SNX9: variants seen among roughly 807,000 people sequenced by gnomAD.
SNX9 encodes sorting nexin-9.
A neutral mutation model predicts 89.4 loss-of-function variants in SNX9; 44 were observed. That is an observed-to-expected ratio of 0.49 (90% CI 0.39 to 0.63). SNX9 has a LOEUF of 0.63. SNX9 is among the 30% of genes least tolerant of loss of function. The pLI, the probability that SNX9 is intolerant of heterozygous loss-of-function variation, is 0.00. For missense variants in SNX9, 578 were observed against 736.1 expected (o/e 0.79, Z 2.49); for synonymous variants, 236 against 247.8 (o/e 0.95, Z 0.45).
chr6:157,905,121 A>G (rs549932534), intron 6 of SNX9, among the ~76,000 whole-genome samples: 1 of 152,182 alleles, frequency 6.6e-6, no homozygotes, highest in African/African-American at 2.4e-5. Flanking sequence ...TCAGAATTCA[A>G]ACCCCATGCC....
chr6:157,935,964 G>A lies in SNX9; in HGVS notation c.1367G>A (p.Gly456Asp). The change falls in exon 14 of 18, where the codon GGT becomes GAT. Residue 456 changes from glycine to aspartate, a missense_variant and splice_region_variant. By Grantham distance (94) the Gly-to-Asp change is moderately conservative. This residue lies in a region of SNX9 where 348 missense variants were observed against 491.4 expected (regional missense o/e 0.71). Transcript: ENST00000392185. ...CACTGATAAAATTGATCATTTTCAGGTGAAACAGATCTCAATGATGCAATA... is the reference window on the plus strand; with the variant it reads ...CACTGATAAAATTGATCATTTTCAGATGAAACAGATCTCAATGATGCAATA... Reference protein sequence around the residue: ...ATVFSSSGYQGETDLNDAITE... With the variant: ...ATVFSSSGYQDETDLNDAITE... The A allele has an allele frequency of 6.2e-7, 1 of 1,606,716 alleles. No homozygotes were observed. Among genetic ancestry groups the A allele is most frequent in the Non-Finnish European group, 8.5e-7 (1 of 1,176,446 alleles).
intron 1 of SNX9, among the ~76,000 whole-genome samples, chr6:157,826,557 T>C (rs1433874649): frequency 6.7e-6 from 1 of 149,464 alleles, no homozygotes; most frequent in Non-Finnish European, 1.5e-5. Flanking sequence ...AAGGGGATTA[T>C]CTATTTTCTA....
intron 10 of SNX9, among the ~76,000 whole-genome samples, chr6:157,925,063 C>T (rs1005481860): frequency 6.6e-6 from 1 of 152,132 alleles, no homozygotes; most frequent in Admixed American, 6.5e-5. Flanking sequence ...TACATTAGAA[C>T]TTCTTTTTTC....
chr6:157,823,367 C>A lies in SNX9; in HGVS notation c.-68C>A. The A allele has an allele frequency of 7.9e-7, 1 of 1,262,142 alleles. No homozygotes were observed. The highest frequency in any genetic ancestry group is 1.0e-6 in the Non-Finnish European group (1 of 994,878). 78.2% of individuals were successfully genotyped at this position (1,262,142 alleles called of 1,614,324 possible). A position where few individuals can be genotyped will look rare whatever the true frequency, so the allele number is the denominator to read the frequency against. ...GCCCTCGCCCTTGCCTTTGCCTGCGCGGCTCAGAATCACCATCCGCGGCGC... is the reference window on the plus strand; with the variant it reads ...GCCCTCGCCCTTGCCTTTGCCTGCGAGGCTCAGAATCACCATCCGCGGCGC... On this transcript the variant is annotated 5_prime_UTR_variant, in exon 1 of 18. Coordinates refer to ENST00000392185, the MANE Select transcript of SNX9 (RefSeq NM_016224.5). This position sits in a 1 kb window ranked among gnomAD's most constrained non-coding sequence, Gnocchi z 4.6.
intron 1 of SNX9, among the ~76,000 whole-genome samples, chr6:157,842,481 GT>G (rs1781722010): frequency 6.6e-6 from 1 of 152,212 alleles, no homozygotes; most frequent in Non-Finnish European, 1.5e-5. Flanking sequence ...TGGAGTAAGA[GT>G]AATTCACGTA....
At chr6:157,866,808 ATG>A (rs1215745803) in intron 1 of SNX9, among the ~76,000 whole-genome samples, 1 of 152,056 alleles carries the variant, frequency 6.6e-6, no homozygotes, top group Non-Finnish European at 1.5e-5. Flanking sequence ...TGAATCTTAG[ATG>A]TGTGTGCGTG....
intron 12 of SNX9, among the ~76,000 whole-genome samples, chr6:157,930,496 C>T (rs562230536): frequency 1.3e-5 from 2 of 152,286 alleles, no homozygotes; most frequent in East Asian, 1.9e-4. Context: ...GGACCATTAC[C>T]GCACAGCAGG....
chr6:157,871,596 G>T (rs1319819435), intron 2 of SNX9, among the ~76,000 whole-genome samples: 1 of 152,046 alleles, frequency 6.6e-6, no homozygotes, highest in South Asian at 2.1e-4. Context: ...GTTAATGGGT[G>T]CAGCACACCA....
At position 157,897,042 on chromosome 6, in the gene SNX9, G is replaced by C. The variant is rs750604039; in HGVS notation, c.472+44G>C. Reference sequence around the variant, plus strand: ...GGTCCCACCCTGCCCGCCCATGGCTGAGTGGGAGAGACAGGGAAGACCGAA... The same window carrying C: ...GGTCCCACCCTGCCCGCCCATGGCTCAGTGGGAGAGACAGGGAAGACCGAA... On this transcript the variant is annotated intron_variant, in intron 5 of 17. Coordinates refer to ENST00000392185, the MANE Select transcript of SNX9 (RefSeq NM_016224.5). 7 of 1,519,118 alleles carry C rather than the reference G, an allele frequency of 4.6e-6. No homozygotes were observed. The East Asian group carries it at 1.6e-4, about 35-fold the overall frequency. 94.1% of individuals were successfully genotyped at this position (1,519,118 alleles called of 1,614,324 possible).
At chr6:157,920,987 A>G (rs1783570928) in intron 9 of SNX9, among the ~76,000 whole-genome samples, 1 of 152,254 alleles carries the variant, frequency 6.6e-6, no homozygotes, top group South Asian at 2.1e-4. Flanking sequence ...AAAAAGCTAT[A>G]GCCTTGGGTT....
intron 4 of SNX9, among the ~76,000 whole-genome samples, chr6:157,896,356 C>T (rs568899163): frequency 1.3e-5 from 2 of 152,206 alleles, no homozygotes; most frequent in Admixed American, 1.3e-4. Flanking sequence ...AGAAATAGGT[C>T]CTCATGTTGA....
intron 2 of SNX9, among the ~76,000 whole-genome samples, chr6:157,872,389 A>G (rs1250267846): frequency 1.3e-5 from 2 of 152,176 alleles, no homozygotes; most frequent in East Asian, 3.8e-4. Context: ...TTTCTGCATA[A>G]CAATCCTAAA....
intron 4 of SNX9, among the ~76,000 whole-genome samples, chr6:157,878,898 G>A (rs967518186): frequency 1.3e-5 from 2 of 151,404 alleles, no homozygotes; most frequent in African/African-American, 4.9e-5. Flanking sequence ...AGAAAAATAG[G>A]TAAAGTGTAT....
chr6:157,875,349 A>C, intron 4 of SNX9, 173 bp downstream of exon 4: 1 of 916,994 alleles, frequency 1.1e-6, no homozygotes, highest in East Asian at 2.9e-5. Flanking sequence ...TCACCTGTTA[A>C]GCCTGATAAT....
intron 1 of SNX9, among the ~76,000 whole-genome samples, chr6:157,838,445 G>C (rs1781628332): frequency 6.6e-6 from 1 of 152,054 alleles, no homozygotes; most frequent in African/African-American, 2.4e-5. Flanking sequence ...TCTTCCATTA[G>C]GTGTACGGTT....
rs1783710761 is a variant in SNX9, at chr6:157,927,162, A to G, written c.1132A>G (p.Met378Val). 6.2e-7 allele frequency: 1 copy of G among 1,614,090 alleles called. No homozygotes were observed. Among genetic ancestry groups the G allele is most frequent in the Admixed American group, 1.7e-5 (1 of 60,014 alleles). The change falls in exon 11 of 18, where the codon ATG becomes GTG. Residue 378 changes from methionine to valine, a missense_variant. Physicochemically the swap from Met to Val is conservative, Grantham distance 21. Transcript: ENST00000392185. ...KAERDELAGV[M>V]IFSTMEPEAP... ...CGAGAGAGATGAGCTGGCGGGAGTC[A>G]TGATATTTTCCACCATGGAACCAGA...
intron 1 of SNX9, among the ~76,000 whole-genome samples, chr6:157,837,805 C>T (rs1182560066): frequency 6.6e-6 from 1 of 152,186 alleles, no homozygotes. Flanking sequence ...AGAAGGGCAG[C>T]AGATCGTGAA....
intron 4 of SNX9, 80 bp from the exon 5 acceptor site, chr6:157,896,747 A>C: frequency 6.8e-7 from 1 of 1,473,008 alleles, no homozygotes; most frequent in Non-Finnish European, 9.4e-7. Flanking sequence ...GTTGTATTCA[A>C]TTGTGTCAGT....
chr6:157,873,881 C>G (rs936552909), intron 3 of SNX9, among the ~76,000 whole-genome samples: 5 of 152,034 alleles, frequency 3.3e-5, no homozygotes, highest in African/African-American at 1.2e-4. Flanking sequence ...CTGGGCTGGT[C>G]CTGCCTGGGA....
Sources: allele counts gnomAD v4.1 joint callset (sites outside exome capture counted in the v4.1 genomes callset), GRCh38; gene constraint gnomAD v4.1.1; regional missense constraint gnomAD v4.1.1; non-coding constraint Gnocchi (gnomAD v3.1); transcripts MANE v1.5; gene names NCBI Gene and HGNC (gene_info 2026-07-23, HGNC 2026-07-21).